CFH: variants seen among roughly 807,000 people sequenced by gnomAD.
CFH encodes complement factor H.
In CFH, 53 loss-of-function variants were observed where a neutral mutation model predicts 147.3. The ratio of observed to expected loss-of-function variants is 0.36; its 90% CI spans 0.29 to 0.45. The LOEUF (loss-of-function observed/expected upper bound fraction) is 0.45, where lower values mean the gene tolerates loss of function less well. Among genes scored for constraint, CFH ranks in the 20% least tolerant of loss-of-function variants. The pLI, the probability that CFH is intolerant of heterozygous loss-of-function variation, is 1.00. For missense variants in CFH, 1,380 were observed against 1,498.0 expected (o/e 0.92, Z 1.30); for synonymous variants, 536 against 489.4 (o/e 1.10, Z -1.26).
At chr1:196,729,495 G>C (rs1669230453) in intron 15 of CFH, among the ~76,000 whole-genome samples, 1 of 151,946 alleles carries the variant, frequency 6.6e-6, no homozygotes, top group African/African-American at 2.4e-5. Flanking sequence ...TGTTTTCCTA[G>C]TATAGTGTTG....
In CFH at chr1:196,725,231, A is replaced by G; in HGVS notation, c.1807A>G (p.Ile603Val). Residue 603 changes from isoleucine to valine, a missense_variant, in exon 12 of 22, where the codon ATA becomes GTA. Physicochemically the swap from Ile to Val is conservative, Grantham distance 29. This residue lies in a region of CFH where 830 missense variants were observed against 821.4 expected (regional missense o/e 1.01). Coordinates refer to ENST00000367429, the MANE Select transcript of CFH (RefSeq NM_000186.4). ...ATTCTCCTGCAAACCAGGATTTACA[A>G]TAGTTGGACCTAATTCCGTTCAGTG... ...LKFSCKPGFTIVGPNSVQCYH... is the reference protein window; with the variant it reads ...LKFSCKPGFTVVGPNSVQCYH... 1 of 1,614,000 alleles carries G rather than the reference A, an allele frequency of 6.2e-7. No individual in the cohort carries two copies. The highest frequency in any genetic ancestry group is 8.5e-7 in the Non-Finnish European group (1 of 1,179,910).
intron 20 of CFH, among the ~76,000 whole-genome samples, chr1:196,744,079 C>T (rs1652915405): frequency 6.6e-6 from 1 of 151,990 alleles, no homozygotes; most frequent in Non-Finnish European, 1.5e-5. Flanking sequence ...GCACATAGTC[C>T]TGGGTCATTC....
At position 196,712,605 on chromosome 1, in the gene CFH, T is replaced by G. The variant is rs576869611; in HGVS notation, c.1337-1130T>G. On this transcript the variant is annotated intron_variant, in intron 9 of 21. Transcript: ENST00000367429. Reference sequence around the variant, plus strand: ...AGTAAACGACAGTAATTTCTTTTTTTGGGTTATTATTATTATTATTATTAT... The same window carrying G: ...AGTAAACGACAGTAATTTCTTTTTTGGGGTTATTATTATTATTATTATTAT... 2.4e-4 allele frequency among the ~76,000 whole-genome samples: 36 copies of G among 149,686 alleles called. No homozygotes were observed. In the East Asian group the frequency reaches 6.0e-3, roughly 25 times the overall value.
chr1:196,682,341 GT>G (rs374550015), intron 6 of CFH, among the ~76,000 whole-genome samples: 204 of 151,756 alleles, frequency 1.3e-3, no homozygotes, highest in African/African-American at 4.3e-3. Context: ...CTCAAGTATT[GT>G]TTTGGATAAA....
rs537217115 is a variant in CFH at position 196,653,419 on chromosome 1, T to A, written c.58+1244T>A. Among the ~76,000 whole-genome samples, 11 of 152,048 alleles carry A rather than the reference T, an allele frequency of 7.2e-5. No individual in the cohort carries two copies. In the South Asian group the frequency reaches 2.3e-3, roughly 31 times the overall value. On this transcript the variant is annotated intron_variant, in intron 1 of 21. Transcript: ENST00000367429. ...AGAACAATGTCAATATTACCTATTG[T>A]AAAAGACATCTTTTTCTGTTTCTTT...
At chr1:196,688,504 A>G (rs1667902781) in intron 7 of CFH, among the ~76,000 whole-genome samples, 1 of 152,150 alleles carries the variant, frequency 6.6e-6, no homozygotes, top group African/African-American at 2.4e-5. Flanking sequence ...TGAGGCATGA[A>G]TTAACTATGT....
At chr1:196,700,653 CA>C (rs550520235) in intron 9 of CFH, among the ~76,000 whole-genome samples, 170 of 96,404 alleles carry the variant, frequency 1.8e-3, no homozygotes, top group Middle Eastern at 5.8e-3. Flanking sequence ...GATTCCGTCT[CA>C]AAAAAAAAAA....
Position 196,685,070 on chromosome 1 carries a change from C to A in CFH, c.797C>A (p.Ser266Ter). Residue 266 changes from serine (S) to a stop codon, truncating the protein, a stop_gained, in exon 7 of 22, where the codon TCA becomes TAA. Transcript: ENST00000367429. LOFTEE classifies it high-confidence loss of function. Reference protein sequence around the residue: ...WRPLPSCEEKSCDNPYIPNGD... With the variant: ...WRPLPSCEEK The stretch of plus-strand genomic sequence containing the variant: ...ATATCCTTTTTCTTTTCAGAAAAAT[C>A]ATGTGATAATCCTTATATTCCAAAT... The A allele has an allele frequency of 6.2e-7, 1 of 1,606,458 alleles. No individual in the cohort carries two copies. The highest frequency in any genetic ancestry group is 8.5e-7 in the Non-Finnish European group (1 of 1,173,486).
In CFH at chr1:196,726,763, G is replaced by A. The variant is rs267598265; in HGVS notation, c.2059G>A (p.Glu687Lys). The change falls in exon 14 of 22, where the codon GAG becomes AAG. Residue 687 changes from glutamate to lysine, a missense_variant and splice_region_variant. Physicochemically the swap from Glu to Lys is moderately conservative, Grantham distance 56. Around this residue, in one of 4 missense-constraint regions of CFH, gnomAD observed 830 missense variants for 821.4 expected, o/e 1.01. Transcript: ENST00000367429. ...EWTTLPVCIV[E>K]ESTCGDIPEL... is the part of the protein sequence containing the mutation. Reference sequence around the variant, plus strand: ...CTTTTTTTGTAAAATTTACATAGTGGAGGAGAGTACCTGTGGAGATATACC... The same window carrying A: ...CTTTTTTTGTAAAATTTACATAGTGAAGGAGAGTACCTGTGGAGATATACC... 1 of 1,613,734 alleles carries A rather than the reference G, an allele frequency of 6.2e-7. No individual in the cohort carries two copies. Among genetic ancestry groups the A allele is most frequent in the Non-Finnish European group, 8.5e-7 (1 of 1,179,746 alleles).
intron 2 of CFH, 184 bp downstream of exon 2, chr1:196,673,347 C>T (rs369957628): frequency 5.9e-5 from 36 of 610,002 alleles, no homozygotes; most frequent in South Asian, 3.2e-4. Flanking sequence ...AGTGCAGTGG[C>T]GCAATTTTGA....
intron 1 of CFH, among the ~76,000 whole-genome samples, chr1:196,658,922 A>G (rs1330211270): frequency 6.6e-6 from 1 of 152,142 alleles, no homozygotes; most frequent in Non-Finnish European, 1.5e-5. Flanking sequence ...AGCTTCACCA[A>G]TGTAGTGTTT....
intron 9 of CFH, among the ~76,000 whole-genome samples, chr1:196,710,328 G>A (rs536789791): frequency 2.2e-4 from 34 of 152,172 alleles, no homozygotes; most frequent in South Asian, 1.2e-3. Flanking sequence ...CTGTCTCAGC[G>A]TATTGGTCTA....
intron 9 of CFH, chr1:196,701,517 C>T (rs1558167874): frequency 2.6e-6 from 2 of 784,250 alleles, no homozygotes; most frequent in Non-Finnish European, 4.0e-6. Context: ...TCCAGGCAGC[C>T]CAATGGGGCT....
rs1013001953 is a variant in CFH, at chr1:196,654,962, T to C, written c.58+2787T>C. ...ATAGTAGTATGTGTATTTATCTATA[T>C]GGTGTGATTTAAATTGTGCGATGGC... On this transcript the variant is annotated intron_variant, in intron 1 of 21. Transcript: ENST00000367429. Among the ~76,000 whole-genome samples the C allele has an allele frequency of 4.6e-5, 7 of 152,142 alleles. No homozygotes were observed. In the South Asian group the frequency reaches 6.2e-4, roughly 14 times the overall value.
At chr1:196,664,052 T>C (rs1194892625) in intron 1 of CFH, among the ~76,000 whole-genome samples, 1 of 149,774 alleles carries the variant, frequency 6.7e-6, no homozygotes, top group Non-Finnish European at 1.5e-5. Context: ...AAAACATATG[T>C]TTTCCTGTTT....
intron 1 of CFH, among the ~76,000 whole-genome samples, chr1:196,672,483 T>C (rs969368639): frequency 2.0e-5 from 3 of 152,226 alleles, no homozygotes; most frequent in Non-Finnish European, 4.4e-5. Context: ...TGCTAATTTT[T>C]GTAAATATAA....
At chr1:196,696,896 A>T (rs1668291058) in intron 9 of CFH, among the ~76,000 whole-genome samples, 1 of 152,154 alleles carries the variant, frequency 6.6e-6, no homozygotes, top group Non-Finnish European at 1.5e-5. Flanking sequence ...GAAAAACAAG[A>T]AATGGGAAAA....
chr1:196,690,691 C>G (rs777737977), intron 9 of CFH, among the ~76,000 whole-genome samples: 6 of 152,104 alleles, frequency 3.9e-5, no homozygotes, highest in Non-Finnish European at 7.4e-5. Flanking sequence ...GAAAGTGAAT[C>G]CCTGCCCCTG....
chr1:196,714,649 A>ATGTATATATATGTATATATATGTG (rs1668810126), intron 10 of CFH, among the ~76,000 whole-genome samples: 4 of 46,230 alleles, frequency 8.7e-5, no homozygotes, highest in Admixed American at 2.8e-4. Context: ...ATATATATAT[A>ATGTATATATATGTATATATATGTG]TATATATATA....
Sources: allele counts gnomAD v4.1 joint callset (sites outside exome capture counted in the v4.1 genomes callset), GRCh38; gene constraint gnomAD v4.1.1; regional missense constraint gnomAD v4.1.1; transcripts MANE v1.5; gene names NCBI Gene and HGNC (gene_info 2026-07-23, HGNC 2026-07-21).